The following DLG2 variants were observed in gnomAD, a reference collection of about 807,000 sequenced individuals.
The protein encoded by DLG2 is discs large MAGUK scaffold protein 2, also known as disks large homolog 2.
A neutral mutation model predicts 132.5 loss-of-function variants in DLG2; 45 were observed. That is an observed-to-expected ratio of 0.34 (90% confidence interval 0.27 to 0.44). The LOEUF is 0.44. Among genes scored for constraint, DLG2 ranks in the 20% least tolerant of loss-of-function variants. The probability of loss-of-function intolerance (pLI) is 1.00; values close to 1 mark genes in which losing one functional copy is unlikely to be tolerated. For missense variants in DLG2, 1,045 were observed against 1,196.9 expected (o/e 0.87, Z 1.87); for synonymous variants, 424 against 419.6 (o/e 1.01, Z -0.13).
intron 10 of DLG2, among the ~76,000 whole-genome samples, chr11:84,078,785 G>A (rs2096862637): frequency 6.6e-6 from 1 of 152,000 alleles, no homozygotes; most frequent in Admixed American, 6.6e-5. Context: ...CTTTTTCAAG[G>A]CAATCTCTTA....
At chr11:84,042,511 T>G (rs1593846642) in intron 11 of DLG2, among the ~76,000 whole-genome samples, 1 of 151,932 alleles carries the variant, frequency 6.6e-6, no homozygotes, top group East Asian at 1.9e-4. Flanking sequence ...TTTTTGATGT[T>G]GCTCTTCTTT....
At chr11:84,591,396 G>T in intron 6 of DLG2, among the ~76,000 whole-genome samples, 1 of 151,518 alleles carries the variant, frequency 6.6e-6, no homozygotes, top group Non-Finnish European at 1.5e-5. Context: ...GTCAGGTGCA[G>T]TGGCTCATGC....
chr11:84,330,156 T>C (rs1419309099), intron 7 of DLG2, among the ~76,000 whole-genome samples: 1 of 152,214 alleles, frequency 6.6e-6, no homozygotes. Flanking sequence ...CCTATTTCCA[T>C]TGTAATTTCC....
At chr11:85,340,729 C>G (rs549241034) in intron 3 of DLG2, among the ~76,000 whole-genome samples, 16 of 152,064 alleles carry the variant, frequency 1.1e-4, no homozygotes, top group Non-Finnish European at 1.9e-4. Flanking sequence ...ATCAGATGTC[C>G]TTAATTTTGT....
intron 3 of DLG2, among the ~76,000 whole-genome samples, chr11:85,366,722 C>T (rs906195347): frequency 3.9e-5 from 6 of 152,016 alleles, no homozygotes; most frequent in Non-Finnish European, 4.4e-5. Context: ...TTAAAGTATA[C>T]ATTTTGATGT....
intron 6 of DLG2, among the ~76,000 whole-genome samples, chr11:84,693,015 G>A (rs755892709): frequency 4.6e-5 from 7 of 151,612 alleles, no homozygotes; most frequent in Non-Finnish European, 4.4e-5. Flanking sequence ...CAAACTGTTT[G>A]ACCCACTCTC....
rs2092587992 is a variant in DLG2 at position 84,918,296 on chromosome 11, T to C, written c.357+193365A>G. On this transcript the variant is annotated intron_variant, in intron 6 of 27. Transcript: ENST00000376104. ...TATAAAATAATAATGCAAGTTATGA[T>C]ATAAGGCAGTATAAGATGTATTGCC... Among the ~76,000 whole-genome samples, 4 of 151,982 alleles carry C rather than the reference T, an allele frequency of 2.6e-5. No individual in the cohort carries two copies. The South Asian group carries it at 8.3e-4, about 32-fold the overall frequency.
At chr11:85,018,752 C>T (rs745660757) in intron 6 of DLG2, among the ~76,000 whole-genome samples, 7 of 149,646 alleles carry the variant, frequency 4.7e-5, no homozygotes, top group African/African-American at 7.4e-5. Flanking sequence ...ATGTAATAAA[C>T]GTGAATGAAA....
intron 6 of DLG2, among the ~76,000 whole-genome samples, chr11:84,984,362 T>C (rs1436091168): frequency 6.6e-6 from 1 of 152,188 alleles, no homozygotes; most frequent in Non-Finnish European, 1.5e-5. Context: ...CAGCCAAGAA[T>C]TTTGTATCCA....
intron 18 of DLG2, among the ~76,000 whole-genome samples, chr11:83,714,811 T>C (rs372108074): frequency 2.6e-5 from 4 of 152,176 alleles, no homozygotes; most frequent in South Asian, 2.1e-4. Flanking sequence ...GCCACGTTGG[T>C]GGGAGTGTAA....
chr11:83,544,037 G>A (rs1452537397), intron 19 of DLG2, among the ~76,000 whole-genome samples: 2 of 152,148 alleles, frequency 1.3e-5, no homozygotes, highest in African/African-American at 4.8e-5. Context: ...TACATGACCA[G>A]CCCCCAGTAA....
intron 14 of DLG2, among the ~76,000 whole-genome samples, chr11:83,934,528 A>C (rs371359944): frequency 6.6e-6 from 1 of 151,718 alleles, no homozygotes; most frequent in African/African-American, 2.4e-5. Context: ...ATAATGTTTA[A>C]GACAGTGATA....
intron 3 of DLG2, among the ~76,000 whole-genome samples, chr11:85,502,817 T>A (rs756394967): frequency 6.6e-6 from 1 of 152,066 alleles, no homozygotes; most frequent in Non-Finnish European, 1.5e-5. Context: ...TAAAGTAAAA[T>A]TTTTAAAAAA....
At chr11:84,831,037 A>C (rs1384004931) in intron 6 of DLG2, among the ~76,000 whole-genome samples, 1 of 142,998 alleles carries the variant, frequency 7.0e-6, no homozygotes, top group Admixed American at 7.4e-5. Flanking sequence ...CATTTTAAAG[A>C]ACCAAAAAGG....
At chr11:84,499,051 T>C (rs2099194269) in intron 7 of DLG2, among the ~76,000 whole-genome samples, 1 of 152,198 alleles carries the variant, frequency 6.6e-6, no homozygotes, top group African/African-American at 2.4e-5. Context: ...GTTTAATTCT[T>C]AGTAACTTGT....
At chr11:84,171,191 A>G (rs2095812973) in intron 8 of DLG2, among the ~76,000 whole-genome samples, 1 of 152,172 alleles carries the variant, frequency 6.6e-6, no homozygotes, top group South Asian at 2.1e-4. Context: ...AAACCAAAAG[A>G]AAAAACTTGA....
At chr11:85,106,158 G>A (rs2071713457) in intron 6 of DLG2, among the ~76,000 whole-genome samples, 1 of 135,446 alleles carries the variant, frequency 7.4e-6, no homozygotes, top group African/African-American at 2.9e-5. Flanking sequence ...TGGTTTCTGT[G>A]AGAAGTGTCT....
At chr11:83,886,687 C>T (rs2068003875) in intron 15 of DLG2, among the ~76,000 whole-genome samples, 2 of 151,370 alleles carry the variant, frequency 1.3e-5, no homozygotes, top group African/African-American at 4.9e-5. Flanking sequence ...AAATTGACCA[C>T]ATACTTGGAA....
intron 3 of DLG2, among the ~76,000 whole-genome samples, chr11:85,497,615 A>G (rs190051796): frequency 6.6e-6 from 1 of 152,292 alleles, no homozygotes; most frequent in East Asian, 1.9e-4. Flanking sequence ...CAACACCAAG[A>G]CACAAAATTG....
Sources: allele counts gnomAD v4.1 joint callset (sites outside exome capture counted in the v4.1 genomes callset), GRCh38; gene constraint gnomAD v4.1.1; transcripts MANE v1.5; gene names NCBI Gene and HGNC (gene_info 2026-07-23, HGNC 2026-07-21).